Variants in ZBTB7C observed in about 807,000 individuals in gnomAD.
ZBTB7C encodes zinc finger and BTB domain-containing protein 7C.
ZBTB7C carries 8 observed loss-of-function variants against 25.7 expected under a neutral mutation model. The ratio of observed to expected loss-of-function variants is 0.31; its 90% CI spans 0.18 to 0.56. The LOEUF (loss-of-function observed/expected upper bound fraction) is 0.56. Among genes scored for constraint, ZBTB7C ranks in the 20% least tolerant of loss-of-function variants. The pLI, the probability that ZBTB7C is intolerant of heterozygous loss-of-function variation, is 0.91. For missense variants in ZBTB7C, 824 were observed against 855.2 expected (o/e 0.96, Z 0.46); for synonymous variants, 394 against 369.0 (o/e 1.07, Z -0.78).
intron 1 of ZBTB7C, among the ~76,000 whole-genome samples, chr18:48,407,691 G>A (rs12968366): frequency 0.072 from 10,974 of 152,182 alleles, 512 homozygotes; most frequent in South Asian, 0.1. Context: ...AATATCTCTA[G>A]GGTCTCTTTC....
At chr18:48,349,937 C>T (rs1433776347) in intron 1 of ZBTB7C, among the ~76,000 whole-genome samples, 1 of 152,222 alleles carries the variant, frequency 6.6e-6, no homozygotes, top group African/African-American at 2.4e-5. Context: ...GGAATGCCAC[C>T]TGCCCTTCAT....
At chr18:48,238,876 A>C (rs946019207) in intron 2 of ZBTB7C, among the ~76,000 whole-genome samples, 1 of 152,200 alleles carries the variant, frequency 6.6e-6, no homozygotes, top group South Asian at 2.1e-4. Flanking sequence ...CTTTCTCAGC[A>C]GGGAGCCTTG....
chr18:48,109,976 G>C (rs1321656198), intron 3 of ZBTB7C, among the ~76,000 whole-genome samples: 1 of 152,142 alleles, frequency 6.6e-6, no homozygotes, highest in Non-Finnish European at 1.5e-5. Flanking sequence ...AAGGTGGTCT[G>C]AGACTGAGGC....
At chr18:48,266,280 G>C (rs2044311944) in intron 2 of ZBTB7C, among the ~76,000 whole-genome samples, 1 of 152,134 alleles carries the variant, frequency 6.6e-6, no homozygotes, top group South Asian at 2.1e-4. Flanking sequence ...CCACGGCAGG[G>C]AGGAAGGCAT....
At chr18:48,189,040 G>A (rs1178590438) in intron 2 of ZBTB7C, among the ~76,000 whole-genome samples, 1 of 152,212 alleles carries the variant, frequency 6.6e-6, no homozygotes, top group African/African-American at 2.4e-5. Context: ...AATGATTATT[G>A]CTAACATTTT....
chr18:48,203,085 G>C (rs1229816057), intron 2 of ZBTB7C, among the ~76,000 whole-genome samples: 1 of 152,154 alleles, frequency 6.6e-6, no homozygotes, highest in Non-Finnish European at 1.5e-5. Flanking sequence ...CAGGCCCTCT[G>C]TTGAGCAAGA....
intron 2 of ZBTB7C, among the ~76,000 whole-genome samples, chr18:48,240,417 A>G (rs746023414): frequency 1.8e-4 from 28 of 152,320 alleles, no homozygotes; most frequent in Non-Finnish European, 3.4e-4. Flanking sequence ...AGTCAGGATG[A>G]AGAAAATAAT....
intron 3 of ZBTB7C, chr18:48,165,207 T>G (rs1467108907): frequency 9.5e-7 from 1 of 1,050,018 alleles, no homozygotes; most frequent in Non-Finnish European, 1.3e-6. Context: ...CAAAGCAATT[T>G]AGAGGAGAGC....
At chr18:48,192,428 G>A (rs8092130) in intron 2 of ZBTB7C, among the ~76,000 whole-genome samples, 35,470 of 152,164 alleles carry the variant, frequency 0.23, 4,441 homozygotes, top group Non-Finnish European at 0.27. Context: ...ATGGTACAAC[G>A]TGGACCGTGA....
At chr18:48,127,122 C>T (rs990624995) in intron 3 of ZBTB7C, among the ~76,000 whole-genome samples, 2 of 152,160 alleles carry the variant, frequency 1.3e-5, no homozygotes, top group Non-Finnish European at 2.9e-5. Flanking sequence ...TAGGAGGCTC[C>T]ATCCCCATTT....
At chr18:48,307,480 C>A (rs1453566277) in intron 2 of ZBTB7C, among the ~76,000 whole-genome samples, 1 of 152,246 alleles carries the variant, frequency 6.6e-6, no homozygotes, top group East Asian at 1.9e-4. Context: ...TAGACCTGAG[C>A]ACTTCCAGCT....
At chr18:48,136,947 C>CGGG in intron 3 of ZBTB7C, 19 of 977,934 alleles carry the variant, frequency 1.9e-5, no homozygotes, top group South Asian at 4.7e-5. Flanking sequence ...GGCCCGGCCG[C>CGGG]TGGGCTCCCC....
At chr18:48,272,306 C>A (rs2044517770) in intron 2 of ZBTB7C, among the ~76,000 whole-genome samples, 1 of 152,210 alleles carries the variant, frequency 6.6e-6, no homozygotes, top group African/African-American at 2.4e-5. Flanking sequence ...TGAGCTGGGA[C>A]ATGCAATCTT....
At chr18:48,162,709 A>G (rs768847551) in intron 3 of ZBTB7C, among the ~76,000 whole-genome samples, 4 of 152,210 alleles carry the variant, frequency 2.6e-5, no homozygotes, top group African/African-American at 7.2e-5. Flanking sequence ...GTTCCCCCAC[A>G]GGAAAATAGG....
intron 2 of ZBTB7C, among the ~76,000 whole-genome samples, chr18:48,324,064 T>C (rs1568376462): frequency 6.6e-6 from 1 of 152,108 alleles, no homozygotes; most frequent in Non-Finnish European, 1.5e-5. Context: ...TATGAGAAAG[T>C]GGGTCCTCAC....
intron 2 of ZBTB7C, among the ~76,000 whole-genome samples, chr18:48,210,990 T>C (rs755872118): frequency 8.5e-5 from 13 of 152,094 alleles, no homozygotes; most frequent in Non-Finnish European, 1.8e-4. Flanking sequence ...GGTGAAATAA[T>C]AGACAAATAG....
At chr18:48,152,831 G>A (rs2040720126) in intron 3 of ZBTB7C, among the ~76,000 whole-genome samples, 1 of 152,242 alleles carries the variant, frequency 6.6e-6, no homozygotes, top group African/African-American at 2.4e-5. Context: ...GTCAGGCACT[G>A]TGCTAAGCGC....
intron 3 of ZBTB7C, among the ~76,000 whole-genome samples, chr18:48,042,033 G>A (rs1481400879): frequency 2.0e-5 from 3 of 152,160 alleles, no homozygotes; most frequent in African/African-American, 4.8e-5. Context: ...GCACGACAGG[G>A]GACAACTGGC....
chr18:48,259,053 G>T (rs759278539), intron 2 of ZBTB7C, among the ~76,000 whole-genome samples: 8 of 152,050 alleles, frequency 5.3e-5, no homozygotes, highest in Non-Finnish European at 7.4e-5. Flanking sequence ...AGGTTTAAGC[G>T]ATTCTCAGAC....
Sources: allele counts gnomAD v4.1 joint callset (sites outside exome capture counted in the v4.1 genomes callset), GRCh38; gene constraint gnomAD v4.1.1; transcripts MANE v1.5; gene names NCBI Gene and HGNC (gene_info 2026-07-23, HGNC 2026-07-21).